The following ATM variants were observed in gnomAD, a reference collection of about 807,000 sequenced individuals.
ATM encodes ATM serine/threonine kinase, also known as serine-protein kinase ATM.
Under a neutral mutation model 387.0 loss-of-function variants are expected in ATM, and 308 were observed. The observed-to-expected ratio is 0.80, with a 90% confidence interval of 0.73 to 0.87. The LOEUF (loss-of-function observed/expected upper bound fraction) is 0.87. Among genes scored for constraint, ATM ranks in the 40% least tolerant of loss-of-function variants. ATM has a pLI of 0.00. For missense variants in ATM, 3,312 were observed against 3,560.9 expected, an observed-to-expected ratio of 0.93 and a Z score of 1.78; for synonymous variants, 1,156 against 1,187.3, an observed-to-expected ratio of 0.97 and a Z score of 0.54.
chr11:108,268,261 CT>C (rs942811401), intron 17 of ATM, 148 bp from the exon 18 acceptor site: 1 of 613,344 alleles, frequency 1.6e-6, no homozygotes, highest in Non-Finnish European at 2.7e-6. Flanking sequence ...TTCAAAAAGA[CT>C]TTTGAAGCTT....
chr11:108,250,923 A>T lies in ATM; in HGVS notation c.1458A>T (p.Lys486Asn), dbSNP rs2135323458. The T allele has an allele frequency of 6.2e-7, 1 of 1,614,154 alleles. No individual in the cohort carries two copies. The highest frequency in any genetic ancestry group is 8.5e-7 in the Non-Finnish European group (1 of 1,180,016). Residue 486 changes from lysine to asparagine, a missense_variant, in exon 10 of 63, where the codon AAA becomes AAT. Lys to Asn is a moderately conservative substitution (Grantham distance 94, BLOSUM62 0). This residue lies in a region of ATM where 1,791 missense variants were observed against 1,804.5 expected (regional missense o/e 0.99). Transcript: ENST00000675843. The stretch of plus-strand genomic sequence containing the variant: ...CAGATTTATTAAAACTCTGGAATAA[A>T]ATTTGGTGTATTACCTTTCGTGGTA... ...QKSDLLKLWNKIWCITFRGIS... is the reference protein window; with the variant it reads ...QKSDLLKLWNNIWCITFRGIS...
chr11:108,331,034 C>T (rs1017310661), intron 50 of ATM, among the ~76,000 whole-genome samples: 1 of 152,080 alleles, frequency 6.6e-6, no homozygotes, highest in Non-Finnish European at 1.5e-5. Flanking sequence ...ATAATAGATA[C>T]AGTCAATCTC....
At chr11:108,312,547 T>G in intron 40 of ATM, 49 bp downstream of exon 40, 1 of 1,387,048 alleles carries the variant, frequency 7.2e-7, no homozygotes, top group East Asian at 2.3e-5. Flanking sequence ...TCTCATACTT[T>G]GGGTTATTTT....
At chr11:108,258,900 C>A in intron 15 of ATM, 86 bp from the exon 16 acceptor site, 1 of 1,043,960 alleles carries the variant, frequency 9.6e-7, no homozygotes, top group Non-Finnish European at 1.5e-6. Flanking sequence ...TATCTACATT[C>A]CATTCAAGAT....
At chr11:108,329,400 G>T in intron 49 of ATM, 162 bp downstream of exon 49, 1 of 708,288 alleles carries the variant, frequency 1.4e-6, no homozygotes, top group Non-Finnish European at 2.3e-6. Context: ...GTTCTTTTCG[G>T]TTTTTGTTTT....
intron 19 of ATM, 52 bp from the exon 20 acceptor site, chr11:108,271,199 A>G (rs2135550061): frequency 6.2e-7 from 1 of 1,610,920 alleles, no homozygotes; most frequent in Admixed American, 1.7e-5. Context: ...AAAATAACTG[A>G]TGTGTTCTGT....
In ATM at chr11:108,367,725, C is replaced by CCTAAAA. The variant is rs1317350377; in HGVS notation, c.*2219_*2224dup. On this transcript the variant is annotated 3_prime_UTR_variant, in exon 63 of 63. Transcript: ENST00000675843. ...ATTTGATCTCCTCACCTTCCCCTCC[C>CCTAAAA]CTAAAACCAATCTCCAGAACTTTTT... The CCTAAAA allele has an allele frequency of 4.6e-6, 1 of 216,998 alleles. No homozygotes were observed. Among genetic ancestry groups the CCTAAAA allele is most frequent in the East Asian group, 6.9e-5 (1 of 14,470 alleles). The allele number at this position is 216,998 out of a possible 1,614,324, so 13.4% of individuals were successfully genotyped here.
Position 108,310,079 on chromosome 11 carries a change from A to T in ATM, c.5763-81A>T, listed in dbSNP as rs535069063. ...AATTTTCTGTTAAGCAGTCACTACC[A>T]TTGTATTCTATATCAACATGCTTTT... On this transcript the variant is annotated intron_variant, in intron 38 of 62. Coordinates refer to ENST00000675843, the MANE Select transcript of ATM (RefSeq NM_000051.4). The T allele has an allele frequency of 6.2e-6, 9 of 1,455,488 alleles. No individual in the cohort carries two copies. In the East Asian group the frequency reaches 1.6e-4, roughly 26 times the overall value. 90.2% of individuals were successfully genotyped at this position (1,455,488 alleles called of 1,614,324 possible).
At chr11:108,302,453 T>C (rs1303133744) in intron 35 of ATM, among the ~76,000 whole-genome samples, 1 of 152,166 alleles carries the variant, frequency 6.6e-6, no homozygotes, top group Non-Finnish European at 1.5e-5. Flanking sequence ...TAATATAAAC[T>C]GTTAATGAAA....
Position 108,247,007 on chromosome 11 carries a change from A to G in ATM, c.945A>G (p.Leu315=). Residue 315 remains leucine (L), a synonymous_variant, in exon 8 of 63, where the codon TTA becomes TTG. Transcript: ENST00000675843. ...STKWRSILYN[L]YDLLVNEISH... The stretch of plus-strand genomic sequence containing the variant: ...AATGGAGAAGTATTTTATACAACTT[A>G]TATGATCTGCTAGTGAATGAGATAA... 1 of 1,613,194 alleles carries G rather than the reference A, an allele frequency of 6.2e-7. No individual in the cohort carries two copies. The highest frequency in any genetic ancestry group is 8.5e-7 in the Non-Finnish European group (1 of 1,179,360).
chr11:108,316,451 A>G (rs2009437512), intron 42 of ATM, among the ~76,000 whole-genome samples: 2 of 152,162 alleles, frequency 1.3e-5, no homozygotes, highest in South Asian at 4.1e-4. Flanking sequence ...CACATGGAAA[A>G]TCTTATGTAA....
chr11:108,265,068 T>C (rs2081145501), intron 16 of ATM, among the ~76,000 whole-genome samples: 1 of 148,950 alleles, frequency 6.7e-6, no homozygotes, highest in African/African-American at 2.5e-5. Flanking sequence ...CAAGGTAATT[T>C]ACAGATTCAA....
chr11:108,358,135 C>G (rs2090251082), intron 61 of ATM, among the ~76,000 whole-genome samples: 1 of 151,262 alleles, frequency 6.6e-6, no homozygotes, highest in African/African-American at 2.4e-5. Context: ...GGCTCGAGAA[C>G]TATGTGAAGA....
In ATM at chr11:108,318,897, C is replaced by T. The variant is rs991971640; in HGVS notation, c.6348-1057C>T. Reference sequence around the variant, plus strand: ...TTTGTAGAAAAAAAAAATTATTGGCCGAGCGCGGTGGCTCATGCCTATAAT... The same window carrying T: ...TTTGTAGAAAAAAAAAATTATTGGCTGAGCGCGGTGGCTCATGCCTATAAT... On this transcript the variant is annotated intron_variant, in intron 43 of 62. Coordinates refer to ENST00000675843, the MANE Select transcript of ATM (RefSeq NM_000051.4). 6.6e-5 allele frequency among the ~76,000 whole-genome samples: 10 copies of T among 151,966 alleles called. 1 individual carries two copies. The highest frequency in any genetic ancestry group is 6.8e-3 in the Middle Eastern group (2 of 294).
chr11:108,294,472 G>A (rs1437058551), intron 31 of ATM, among the ~76,000 whole-genome samples: 1 of 152,200 alleles, frequency 6.6e-6, no homozygotes, highest in Non-Finnish European at 1.5e-5. Context: ...GGGTGCAGTG[G>A]CTCACGCCTG....
At position 108,273,835 on chromosome 11, in the gene ATM, C is replaced by G. The variant is rs184321208; in HGVS notation, c.3284+983C>G. 2.0e-3 allele frequency among the ~76,000 whole-genome samples: 301 copies of G among 152,104 alleles called. 2 individuals are homozygous for G. The highest frequency in any genetic ancestry group is 6.9e-3 in the African/African-American group (288 of 41,506). ...ATCACGGATAATGGCCTGAAATTTT[C>G]TTTTTCTTGTGTCTCTGCCAGGTTT... On this transcript the variant is annotated intron_variant, in intron 22 of 62. Transcript: ENST00000675843.
intron 26 of ATM, 26 bp downstream of exon 26, chr11:108,284,499 T>C (rs1367241060): frequency 4.3e-6 from 7 of 1,612,394 alleles, no homozygotes; most frequent in Non-Finnish European, 5.1e-6. Context: ...TTATGTACTT[T>C]TCATTCCCTG....
intron 46 of ATM, 23 bp from the exon 47 acceptor site, chr11:108,326,035 C>G (rs2085642148): frequency 6.2e-7 from 1 of 1,611,458 alleles, no homozygotes; most frequent in Non-Finnish European, 8.5e-7. Context: ...AGTATTTATT[C>G]CCATATGTCA....
rs730881288 is a variant in ATM at position 108,282,693 on chromosome 11, CT to C, written c.3577-12del. The C allele has an allele frequency of 3.8e-5, 62 of 1,610,862 alleles. No individual in the cohort carries two copies. The highest frequency in any genetic ancestry group is 4.8e-5 in the Non-Finnish European group (56 of 1,178,386). On this transcript the variant is annotated splice_polypyrimidine_tract_variant and intron_variant, in intron 24 of 62. Coordinates refer to ENST00000675843, the MANE Select transcript of ATM (RefSeq NM_000051.4). ...TTTTTCATTTTTCTTAACACATTGA[CT>C]TTTTGGTTCGTGCAGGTTTTAGAGA... is the stretch of plus-strand genomic sequence containing the variant.
Sources: gnomAD v4.1 joint callset for allele counts (sites outside exome capture counted in the v4.1 genomes callset) on GRCh38, gnomAD v4.1.1 for gene constraint, gnomAD v4.1.1 regional missense constraint, MANE v1.5 for transcripts, NCBI Gene and HGNC (gene_info 2026-07-23, HGNC 2026-07-21) for gene names.